WDFY3: variants seen among roughly 807,000 people sequenced by gnomAD.
WDFY3 encodes WD repeat and FYVE domain-containing protein 3.
In WDFY3, 66 loss-of-function variants were observed where a neutral mutation model predicts 409.6. The observed-to-expected ratio is 0.16, with a 90% confidence interval of 0.13 to 0.20. WDFY3 has a LOEUF of 0.20. Among genes scored for constraint, WDFY3 ranks in the 10% least tolerant of loss-of-function variants. The pLI is 1.00. For synonymous variants in WDFY3, 1,521 were observed against 1,537.1 expected, an observed-to-expected ratio of 0.99 and a Z score of 0.25; for missense variants, 3,031 against 4,298.1, an observed-to-expected ratio of 0.71 and a Z score of 8.24.
At chr4:84,760,015 G>A (rs1049848003) in intron 32 of WDFY3, among the ~76,000 whole-genome samples, 2 of 151,958 alleles carry the variant, frequency 1.3e-5, no homozygotes, top group Admixed American at 6.6e-5. Flanking sequence ...TAGCCTGAAG[G>A]GTTGTTGAAT....
At chr4:84,954,426 A>G (rs1336417234) in intron 1 of WDFY3, among the ~76,000 whole-genome samples, 1 of 152,190 alleles carries the variant, frequency 6.6e-6, no homozygotes, top group Non-Finnish European at 1.5e-5. Context: ...GGGCAATGCC[A>G]TGGGGAAAGA....
intron 2 of WDFY3, among the ~76,000 whole-genome samples, chr4:84,927,982 T>C (rs1770227186): frequency 6.6e-6 from 1 of 152,198 alleles, no homozygotes; most frequent in Admixed American, 6.5e-5. Flanking sequence ...GGAATTTGTT[T>C]AGAATGATTG....
At chr4:84,766,827 G>A (rs140257719) in intron 30 of WDFY3, among the ~76,000 whole-genome samples, 277 of 152,270 alleles carry the variant, frequency 1.8e-3, no homozygotes, top group African/African-American at 6.3e-3. Context: ...AGAAAAGTTA[G>A]AATTAAATAG....
At chr4:84,720,303 C>CA (rs1319988153) in intron 47 of WDFY3, among the ~76,000 whole-genome samples, 10 of 151,718 alleles carry the variant, frequency 6.6e-5, no homozygotes, top group African/African-American at 2.2e-4. Context: ...GCAAAAGAGT[C>CA]AAAAAAAGCT....
chr4:84,717,021 A>C lies in WDFY3; in HGVS notation c.7755-5T>G, dbSNP rs1408340808. On this transcript the variant is annotated splice_region_variant and splice_polypyrimidine_tract_variant and intron_variant, in intron 48 of 67. Coordinates refer to ENST00000295888, the MANE Select transcript of WDFY3 (RefSeq NM_014991.6). Reference sequence around the variant, plus strand: ...GGAATAATAGGCTCATGCATACTACAGGCAGCCAAGAGAAAAAGCAAATAA... The same window carrying C: ...GGAATAATAGGCTCATGCATACTACCGGCAGCCAAGAGAAAAAGCAAATAA... 6.4e-7 allele frequency: 1 copy of C among 1,566,092 alleles called. No individual in the cohort carries two copies. The highest frequency in any genetic ancestry group is 1.9e-5 in the Admixed American group (1 of 52,118).
intron 50 of WDFY3, among the ~76,000 whole-genome samples, chr4:84,713,770 C>T (rs960291154): frequency 2.6e-5 from 4 of 152,200 alleles, no homozygotes; most frequent in Admixed American, 1.3e-4. Flanking sequence ...ATTATTCACA[C>T]ATTCAAAAGA....
chr4:84,901,070 G>A (rs951389952), intron 2 of WDFY3, among the ~76,000 whole-genome samples: 5 of 152,168 alleles, frequency 3.3e-5, no homozygotes, highest in Admixed American at 1.3e-4. Flanking sequence ...GGGGAGGAGC[G>A]TGTGTCCTCA....
rs1353660689 is a variant in WDFY3, at chr4:84,831,433, T to A, written c.749A>T (p.Asn250Ile). The change falls in exon 8 of 68, where the codon AAT (asparagine) becomes ATT (isoleucine). Residue 250 changes from asparagine to isoleucine, a missense_variant. Transcript: ENST00000295888. The stretch of plus-strand genomic sequence containing the variant: ...TTCACCATGAATATACTTCACTACA[T>A]TGACACTAAGACCATGACGAGATAT... The part of the protein sequence containing the change: ...MTISRHGLSV[N>I]VVKYIHEKEC... 2 of 1,610,634 alleles carry A rather than the reference T, an allele frequency of 1.2e-6. No individual in the cohort carries two copies. The highest frequency in any genetic ancestry group is 3.4e-5 in the Admixed American group (2 of 59,628).
intron 5 of WDFY3, among the ~76,000 whole-genome samples, chr4:84,847,592 C>T (rs1758252807): frequency 6.9e-6 from 1 of 145,236 alleles, no homozygotes; most frequent in Non-Finnish European, 1.5e-5. Flanking sequence ...CAGTGAAACC[C>T]CGTCTCTACT....
At chr4:84,680,587 A>G (rs1306658258) in intron 64 of WDFY3, among the ~76,000 whole-genome samples, 5 of 152,232 alleles carry the variant, frequency 3.3e-5, no homozygotes, top group Admixed American at 6.5e-5. Context: ...GGGAAAATGT[A>G]TAAGAAACAA....
At chr4:84,832,238 A>G (rs1755845554) in intron 7 of WDFY3, among the ~76,000 whole-genome samples, 1 of 152,186 alleles carries the variant, frequency 6.6e-6, no homozygotes, top group Non-Finnish European at 1.5e-5. Flanking sequence ...ATCCAGGCAC[A>G]GAAAGATGAA....
Position 84,726,894 on chromosome 4 carries a change from T to C in WDFY3, c.7239A>G (p.Lys2413=). ...GAATATCATCGGGTGTCTCAGGCTG[T>C]TTACTTGGGATCTCAGACTGAAAAC... ...ETNVASEIPS[K]QPETPDDIPQ... The change falls in exon 45 of 68, where the codon AAA becomes AAG. Residue 2413 remains lysine (K), a synonymous_variant. Transcript: ENST00000295888. The C allele has an allele frequency of 6.2e-7, 1 of 1,607,682 alleles. No homozygotes were observed. The highest frequency in any genetic ancestry group is 8.5e-7 in the Non-Finnish European group (1 of 1,178,132).
chr4:84,923,299 C>CA (rs1769525312), intron 2 of WDFY3, among the ~76,000 whole-genome samples: 1 of 152,066 alleles, frequency 6.6e-6, no homozygotes, highest in South Asian at 2.1e-4. Flanking sequence ...AAGATGAGGC[C>CA]AAAGGAAATC....
chr4:84,823,302 T>C (rs1011025706), intron 10 of WDFY3, among the ~76,000 whole-genome samples: 1 of 152,110 alleles, frequency 6.6e-6, no homozygotes, highest in Admixed American at 6.6e-5. Context: ...AAATGTACCA[T>C]AGACCTTAAT....
chr4:84,921,497 A>G (rs1378656584), intron 2 of WDFY3, among the ~76,000 whole-genome samples: 1 of 152,032 alleles, frequency 6.6e-6, no homozygotes, highest in East Asian at 1.9e-4. Flanking sequence ...TCCTAATGAA[A>G]TAGCAAGCAT....
chr4:84,733,250 T>A (rs1209776748), intron 44 of WDFY3, 132 bp downstream of exon 44: 1 of 1,001,970 alleles, frequency 1.0e-6, no homozygotes, highest in Non-Finnish European at 1.5e-6. Flanking sequence ...TCTGAAGTTA[T>A]CAATTTAATA....
At chr4:84,866,060 G>C (rs1370974012) in intron 3 of WDFY3, among the ~76,000 whole-genome samples, 1 of 152,130 alleles carries the variant, frequency 6.6e-6, no homozygotes, top group Non-Finnish European at 1.5e-5. Context: ...TACAGAGTGA[G>C]ACCCTGTCTC....
intron 2 of WDFY3, among the ~76,000 whole-genome samples, chr4:84,921,327 GA>G (rs1345041877): frequency 1.3e-5 from 2 of 151,890 alleles, no homozygotes; most frequent in Non-Finnish European, 2.9e-5. Context: ...TTAAGGAAAA[GA>G]AGGGAAGGAA....
At position 84,672,907 on chromosome 4, in the gene WDFY3, C is replaced by T; in HGVS notation, c.10542G>A (p.Gln3514=). The T allele has an allele frequency of 1.2e-6, 2 of 1,613,940 alleles. No individual in the cohort carries two copies. Among genetic ancestry groups the T allele is most frequent in the South Asian group, 1.1e-5 (1 of 91,070 alleles). The stretch of plus-strand genomic sequence containing the variant: ...GCCCATCTTCTGAACCTCTCTCATG[C>T]TGTAAGTTATAATAACAGTTCTGAC... ...RVCQNCYYNL[Q]HERGSEDGPR... The change falls in exon 68 of 68, where the codon CAG becomes CAA. Residue 3514 remains glutamine, a synonymous_variant. Transcript: ENST00000295888.
Sources: gnomAD v4.1 joint callset for allele counts (sites outside exome capture counted in the v4.1 genomes callset) on GRCh38, gnomAD v4.1.1 for gene constraint, MANE v1.5 for transcripts, NCBI Gene and HGNC (gene_info 2026-07-23, HGNC 2026-07-21) for gene names.